Variants in WDR27 observed in about 807,000 individuals in gnomAD.
The protein encoded by WDR27 is WD repeat domain 27.
Under a neutral mutation model 114.4 loss-of-function variants are expected in WDR27, and 100 were observed. The ratio of observed to expected loss-of-function variants is 0.87; its 90% CI spans 0.74 to 1.03. The LOEUF (loss-of-function observed/expected upper bound fraction) is 1.03, where lower values mean the gene tolerates loss of function less well. WDR27 is among the 50% of genes least tolerant of loss of function. The pLI is 0.00. For synonymous variants in WDR27, 449 were observed against 423.1 expected (o/e 1.06, Z -0.75); for missense variants, 1,129 against 1,092.9 (o/e 1.03, Z -0.47).
Position 169,641,248 on chromosome 6 carries a change from C to A in WDR27, c.1747+2449G>T, listed in dbSNP as rs78151070. 8.4e-3 allele frequency among the ~76,000 whole-genome samples: 1,287 copies of A among 152,372 alleles called. 13 individuals are homozygous for A. The highest frequency in any genetic ancestry group is 0.029 in the African/African-American group (1,213 of 41,596). ...ATCCCCCTCCTCTCCCGAGCTCCAG[C>A]CCCAAACACATGCGTGAAGCGCTGC... On this transcript the variant is annotated intron_variant, in intron 17 of 25. Coordinates refer to ENST00000448612, the MANE Select transcript of WDR27 (RefSeq NM_182552.5).
chr6:169,566,327 T>C (rs983008265), intron 25 of WDR27, among the ~76,000 whole-genome samples: 2 of 152,176 alleles, frequency 1.3e-5, no homozygotes, highest in Non-Finnish European at 2.9e-5. Flanking sequence ...ACCTGGGCAG[T>C]GGTGAGGGCA....
At chr6:169,466,331 AG>A (rs1785581441) in intron 25 of WDR27, among the ~76,000 whole-genome samples, 1 of 152,238 alleles carries the variant, frequency 6.6e-6, no homozygotes, top group Admixed American at 6.5e-5. Context: ...AAAGGAAAGA[AG>A]TTTAATTGAC....
intron 25 of WDR27, among the ~76,000 whole-genome samples, chr6:169,542,513 G>C (rs1376946208): frequency 6.6e-6 from 1 of 152,078 alleles, no homozygotes; most frequent in Non-Finnish European, 1.5e-5. Flanking sequence ...TTTATTCCAA[G>C]AGACTAAGAC....
chr6:169,624,533 C>G (rs1814305436), intron 21 of WDR27, among the ~76,000 whole-genome samples: 1 of 152,182 alleles, frequency 6.6e-6, no homozygotes, highest in African/African-American at 2.4e-5. Context: ...CCCCGATCCC[C>G]CTCAGCCCAG....
intron 13 of WDR27, among the ~76,000 whole-genome samples, chr6:169,656,533 G>A (rs868098835): frequency 2.6e-4 from 40 of 152,248 alleles, no homozygotes; most frequent in African/African-American, 8.4e-4. Context: ...CATGTGAGGC[G>A]GCTTGTGGGG....
chr6:169,650,403 TC>T (rs924225820), intron 14 of WDR27, among the ~76,000 whole-genome samples: 1 of 130,862 alleles, frequency 7.6e-6, no homozygotes, highest in African/African-American at 3.0e-5. Flanking sequence ...CATCCCTCCA[TC>T]CCCTCATCTA....
rs369982270 is a variant in WDR27, at chr6:169,607,957, C to A, written c.2321+5602G>T. ...GTGTGAATGTCACAGAGTGTACTTA[C>A]ACATACCTAGATGGTGTAGCCTACT... On this transcript the variant is annotated intron_variant, in intron 22 of 25. Transcript: ENST00000448612. Among the ~76,000 whole-genome samples, 30 of 151,442 alleles carry A rather than the reference C, an allele frequency of 2.0e-4. No homozygotes were observed. The East Asian group carries it at 2.7e-3, about 14-fold the overall frequency.
rs770517148 is a variant in WDR27 at position 169,633,063 on chromosome 6, C to T, written c.2107G>A (p.Val703Ile). ...SAVNDFYSHI[V>I]LAAGRNRTVE... ...GTCCTGTTCCGGCCAGCTGCGAGTA[C>T]GATGTCTGCGATAATCCAGTTAGGG... Residue 703 changes from valine to isoleucine, a missense_variant, in exon 21 of 26, where the codon GTA becomes ATA. By Grantham distance (29) the Val-to-Ile change is conservative. Coordinates refer to ENST00000448612, the MANE Select transcript of WDR27 (RefSeq NM_182552.5). 3.9e-5 allele frequency: 62 copies of T among 1,577,466 alleles called. No homozygotes were observed. The highest frequency in any genetic ancestry group is 3.4e-4 in the Middle Eastern group (2 of 5,848).
At chr6:169,593,506 A>C (rs1261013017) in intron 23 of WDR27, among the ~76,000 whole-genome samples, 1 of 151,974 alleles carries the variant, frequency 6.6e-6, no homozygotes, top group Non-Finnish European at 1.5e-5. Context: ...CTCTCTTTAT[A>C]AAAAAAATTG....
chr6:169,479,577 T>C (rs1787662650), intron 25 of WDR27, among the ~76,000 whole-genome samples: 1 of 152,198 alleles, frequency 6.6e-6, no homozygotes, highest in African/African-American at 2.4e-5. Flanking sequence ...GTTTATGATA[T>C]AAAAATGAAT....
chr6:169,616,091 A>G (rs1346809541), intron 21 of WDR27, among the ~76,000 whole-genome samples: 1 of 152,216 alleles, frequency 6.6e-6, no homozygotes, highest in African/African-American at 2.4e-5. Flanking sequence ...GTTTCTTCAA[A>G]AAAATGATAA....
Position 169,664,225 on chromosome 6 carries a change from C to T in WDR27, c.845G>A (p.Arg282Lys), listed in dbSNP as rs1368594297. Residue 282 changes from arginine (R) to lysine (K), a missense_variant, in exon 8 of 26, where the codon AGG becomes AAG. Physicochemically the swap from Arg to Lys is conservative, Grantham distance 26 (BLOSUM62 2). Coordinates refer to ENST00000448612, the MANE Select transcript of WDR27 (RefSeq NM_182552.5). ...TGTGGAGAAAGTCTCTGTCTTCTTC[C>T]TTAGGTCAACCCGTGCCACACGACG... ...HYRRVARVDL[R>K]KKTETFSTRR... 3 of 1,613,438 alleles carry T rather than the reference C, an allele frequency of 1.9e-6. No homozygotes were observed. The highest frequency in any genetic ancestry group is 2.5e-6 in the Non-Finnish European group (3 of 1,179,542).
chr6:169,679,599 T>G (rs1337242791), intron 2 of WDR27, among the ~76,000 whole-genome samples: 1 of 152,144 alleles, frequency 6.6e-6, no homozygotes, highest in Non-Finnish European at 1.5e-5. Flanking sequence ...TTTAAAAGTG[T>G]ATGGCACCTC....
chr6:169,639,866 G>A (rs1031671612), intron 17 of WDR27, among the ~76,000 whole-genome samples: 4 of 152,126 alleles, frequency 2.6e-5, no homozygotes, highest in Non-Finnish European at 4.4e-5. Context: ...TCTAAGAAGC[G>A]GCGGACACAA....
intron 21 of WDR27, among the ~76,000 whole-genome samples, chr6:169,632,573 C>T (rs1816692052): frequency 6.8e-6 from 1 of 147,494 alleles, no homozygotes. Context: ...ATCCAACAGC[C>T]TCCACCTTCA....
At chr6:169,570,473 CATGCA>C (rs1584288154) in intron 25 of WDR27, among the ~76,000 whole-genome samples, 1 of 152,318 alleles carries the variant, frequency 6.6e-6, no homozygotes, top group East Asian at 1.9e-4. Context: ...TGCAGTAAAT[CATGCA>C]ATTCTCTTTA....
At chr6:169,629,115 T>C (rs1416231847) in intron 21 of WDR27, among the ~76,000 whole-genome samples, 1 of 152,134 alleles carries the variant, frequency 6.6e-6, no homozygotes, top group Non-Finnish European at 1.5e-5. Flanking sequence ...TCACACCAAA[T>C]AGCATCATAT....
chr6:169,599,546 G>A (rs1028991465), intron 23 of WDR27, among the ~76,000 whole-genome samples: 5 of 152,204 alleles, frequency 3.3e-5, no homozygotes, highest in African/African-American at 7.2e-5. Flanking sequence ...GTTTATTTGC[G>A]TAGAGGTGTT....
At chr6:169,565,069 G>A (rs1800250806) in intron 25 of WDR27, among the ~76,000 whole-genome samples, 1 of 152,106 alleles carries the variant, frequency 6.6e-6, no homozygotes, top group African/African-American at 2.4e-5. Flanking sequence ...GTCTAGCCAA[G>A]CCTCAGAAGC....
Sources: gnomAD v4.1 joint callset for allele counts (sites outside exome capture counted in the v4.1 genomes callset) on GRCh38, gnomAD v4.1.1 for gene constraint, MANE v1.5 for transcripts, NCBI Gene and HGNC (gene_info 2026-07-23, HGNC 2026-07-21) for gene names.